The following CDH12 variants were observed in gnomAD, a reference collection of about 807,000 sequenced individuals.
The protein encoded by CDH12 is cadherin-12.
Under a neutral mutation model 74.1 loss-of-function variants are expected in CDH12, and 41 were observed. The observed-to-expected ratio is 0.55, with a 90% CI of 0.43 to 0.72. The LOEUF (loss-of-function observed/expected upper bound fraction) is 0.72, where lower values mean the gene tolerates loss of function less well. CDH12 is among the 30% of genes least tolerant of loss of function. The pLI is 0.00. For synonymous variants in CDH12, 399 were observed against 355.0 expected, an observed-to-expected ratio of 1.12 and a Z score of -1.39; for missense variants, 945 against 977.2, an observed-to-expected ratio of 0.97 and a Z score of 0.44.
chr5:22,121,778 C>T (rs1409866408), intron 4 of CDH12, among the ~76,000 whole-genome samples: 2 of 152,010 alleles, frequency 1.3e-5, no homozygotes, highest in Non-Finnish European at 2.9e-5. Flanking sequence ...ACTTAGTTAA[C>T]ACACTGATGT....
At chr5:22,091,614 T>C (rs1743439055) in intron 4 of CDH12, among the ~76,000 whole-genome samples, 1 of 151,966 alleles carries the variant, frequency 6.6e-6, no homozygotes, top group South Asian at 2.1e-4. Context: ...AAGTTAATAT[T>C]ATTAAGAAGA....
At chr5:22,764,366 G>T (rs1329201480) in intron 1 of CDH12, among the ~76,000 whole-genome samples, 2 of 152,002 alleles carry the variant, frequency 1.3e-5, no homozygotes, top group South Asian at 2.1e-4. Context: ...CCAATCTGTA[G>T]TTAAATTCAA....
At position 22,565,577 on chromosome 5, in the gene CDH12, T is replaced by G. The variant is rs186330963; in HGVS notation, c.-522-60213A>C. On this transcript the variant is annotated intron_variant, in intron 1 of 14. Transcript: ENST00000382254. ...CATTTGCTGCCCAACATATGCAACC[T>G]TTCTTTGCTTTGGAAAAGAAAGAGA... Among the ~76,000 whole-genome samples the G allele has an allele frequency of 4.1e-3, 619 of 152,306 alleles. 7 individuals carry two copies. The highest frequency in any genetic ancestry group is 6.2e-3 in the Non-Finnish European group (425 of 68,030).
At chr5:22,581,694 A>G (rs13174773) in intron 1 of CDH12, among the ~76,000 whole-genome samples, 84,548 of 151,996 alleles carry the variant, frequency 0.56, 23,824 homozygotes, top group East Asian at 0.68. Flanking sequence ...GACAGCTTAC[A>G]CATGAGCCTG....
intron 1 of CDH12, among the ~76,000 whole-genome samples, chr5:22,622,193 TATAA>T (rs1400758186): frequency 6.6e-6 from 1 of 152,062 alleles, no homozygotes; most frequent in Non-Finnish European, 1.5e-5. Flanking sequence ...TAGACAAAGT[TATAA>T]ATAAGCTGTT....
intron 4 of CDH12, among the ~76,000 whole-genome samples, chr5:22,085,604 C>A (rs569405521): frequency 2.0e-5 from 3 of 152,008 alleles, no homozygotes; most frequent in Non-Finnish European, 4.4e-5. Flanking sequence ...TCCCCCACCT[C>A]CTCTTGTGAA....
chr5:22,197,828 A>T (rs1431364542), intron 4 of CDH12, among the ~76,000 whole-genome samples: 1 of 152,116 alleles, frequency 6.6e-6, no homozygotes. Context: ...AAAAGTATGA[A>T]TTTTTCTAAT....
At chr5:22,583,910 A>C (rs1231332399) in intron 1 of CDH12, among the ~76,000 whole-genome samples, 2 of 152,142 alleles carry the variant, frequency 1.3e-5, no homozygotes, top group East Asian at 3.9e-4. Context: ...GCTCCTATAA[A>C]AGAAACAAAT....
chr5:21,760,527 A>G (rs763341567), intron 13 of CDH12, 31 bp downstream of exon 13: 11 of 1,033,574 alleles, frequency 1.1e-5, no homozygotes, highest in Non-Finnish European at 1.4e-5. Flanking sequence ...GATACATGAT[A>G]AGAGGTAAAT....
At chr5:22,537,713 A>G (rs1737915568) in intron 1 of CDH12, among the ~76,000 whole-genome samples, 1 of 152,154 alleles carries the variant, frequency 6.6e-6, no homozygotes, top group Admixed American at 6.6e-5. Flanking sequence ...ACTCTAAAAA[A>G]ACAATAAATA....
chr5:22,457,136 T>C (rs1447573771), intron 2 of CDH12, among the ~76,000 whole-genome samples: 1 of 152,180 alleles, frequency 6.6e-6, no homozygotes, highest in East Asian at 1.9e-4. Flanking sequence ...GCCATTTTTA[T>C]TTGCCAAACA....
chr5:22,616,954 T>C (rs988537005), intron 1 of CDH12, among the ~76,000 whole-genome samples: 3 of 152,070 alleles, frequency 2.0e-5, no homozygotes, highest in Admixed American at 2.0e-4. Context: ...AACCTTGAAC[T>C]CCTGGGCTCA....
intron 1 of CDH12, among the ~76,000 whole-genome samples, chr5:22,545,088 T>C (rs1241584342): frequency 6.6e-6 from 1 of 152,206 alleles, no homozygotes; most frequent in Non-Finnish European, 1.5e-5. Flanking sequence ...TTTTACAAGA[T>C]GCCTCTGGCT....
intron 1 of CDH12, among the ~76,000 whole-genome samples, chr5:22,700,801 C>T (rs1342003343): frequency 6.6e-6 from 1 of 152,056 alleles, no homozygotes; most frequent in Admixed American, 6.6e-5. Context: ...TCTGAATGAC[C>T]AGGTAAATGA....
intron 5 of CDH12, among the ~76,000 whole-genome samples, chr5:22,009,111 C>T (rs1173111253): frequency 6.6e-6 from 1 of 152,190 alleles, no homozygotes; most frequent in Admixed American, 6.5e-5. Flanking sequence ...TGGTGTACTT[C>T]TAATGCCATC....
intron 3 of CDH12, among the ~76,000 whole-genome samples, chr5:22,268,271 G>A (rs902046627): frequency 1.3e-5 from 2 of 151,808 alleles, no homozygotes; most frequent in African/African-American, 4.8e-5. Flanking sequence ...ATATATATGT[G>A]TGTATATATA....
rs368466494 is a variant in CDH12 at position 22,752,688 on chromosome 5, C to T, written c.-523+100370G>A. On this transcript the variant is annotated intron_variant, in intron 1 of 14. Coordinates refer to ENST00000382254, the MANE Select transcript of CDH12 (RefSeq NM_004061.5). ...CCGGGTTCACGCCATTCTCCTGCCT[C>T]AGCCTCCCTAGTAGCTGGGACTACA... Among the ~76,000 whole-genome samples the T allele has an allele frequency of 1.3e-4, 11 of 85,194 alleles. No homozygotes were observed. In the East Asian group the frequency reaches 2.2e-3, roughly 17 times the overall value. 55.9% of individuals were successfully genotyped at this position (85,194 alleles called of 152,430 possible). A position where few individuals can be genotyped will look rare whatever the true frequency, so the allele number is the denominator to read the frequency against.
intron 3 of CDH12, among the ~76,000 whole-genome samples, chr5:22,391,178 C>T (rs755268954): frequency 5.9e-5 from 9 of 152,084 alleles, no homozygotes; most frequent in Non-Finnish European, 1.2e-4. Flanking sequence ...GATGAGAAGG[C>T]CTTGTGTTGC....
At chr5:22,228,688 C>T (rs1426538513) in intron 3 of CDH12, among the ~76,000 whole-genome samples, 5 of 151,992 alleles carry the variant, frequency 3.3e-5, no homozygotes, top group Admixed American at 1.3e-4. Flanking sequence ...AATGAAAACA[C>T]GAGCATGATT....
Sources: gnomAD v4.1 joint callset for allele counts (sites outside exome capture counted in the v4.1 genomes callset) on GRCh38, gnomAD v4.1.1 for gene constraint, MANE v1.5 for transcripts, NCBI Gene and HGNC (gene_info 2026-07-23, HGNC 2026-07-21) for gene names.